The following PECAM1 variants were observed in gnomAD, a reference collection of about 807,000 sequenced individuals.
PECAM1 encodes the protein platelet and endothelial cell adhesion molecule 1, also known as platelet endothelial cell adhesion molecule.
Under a neutral mutation model 13.8 loss-of-function variants are expected in PECAM1, and 8 were observed. That is an observed-to-expected ratio of 0.58 (90% confidence interval 0.34 to 1.05). PECAM1 has a LOEUF of 1.05. Among genes scored for constraint, PECAM1 ranks in the 50% least tolerant of loss-of-function variants. PECAM1 has a pLI of 0.03. For synonymous variants in PECAM1, 136 were observed against 52.6 expected (o/e 2.58, Z -6.86); for missense variants, 304 against 141.2 (o/e 2.15, Z -5.84).
At chr17:64,356,071 G>A in intron 8 of PECAM1, 40 bp downstream of exon 8, 2 of 474,994 alleles carry the variant, frequency 4.2e-6, no homozygotes, top group Non-Finnish European at 7.7e-6. Context: ...CTTGCCCTTG[G>A]GAGCCCACAG....
At position 64,390,737 on chromosome 17, in the gene PECAM1, C is replaced by A; in HGVS notation, c.-72G>T. The A allele has an allele frequency of 2.4e-6, 1 of 411,578 alleles. No individual in the cohort carries two copies. 25.5% of individuals were successfully genotyped at this position (411,578 alleles called of 1,614,324 possible). A position where few individuals can be genotyped will look rare whatever the true frequency, so the allele number is the denominator to read the frequency against. ...TGACTCGCTCAGCAGAAGGCACTGC[C>A]CACAAGTCACCGTTGAGAAACCCGC... On this transcript the variant is annotated 5_prime_UTR_variant, in exon 1 of 16. Coordinates refer to ENST00000563924, the MANE Select transcript of PECAM1 (RefSeq NM_000442.5).
intron 14 of PECAM1, among the ~76,000 whole-genome samples, chr17:64,336,122 C>A (rs2035268787): frequency 6.6e-6 from 1 of 151,880 alleles, no homozygotes; most frequent in Non-Finnish European, 1.5e-5. Context: ...AAAAAATTAC[C>A]CGGGCGTGGT....
At chr17:64,366,201 C>T (rs1200717624) in intron 5 of PECAM1, among the ~76,000 whole-genome samples, 2,339 of 147,164 alleles carry the variant, frequency 0.016, 62 homozygotes, top group African/African-American at 0.053. Flanking sequence ...GACATTTATA[C>T]AGCCAAAAAA....
At chr17:64,361,183 T>A (rs2035969605) in intron 6 of PECAM1, among the ~76,000 whole-genome samples, 1 of 146,596 alleles carries the variant, frequency 6.8e-6, no homozygotes. Context: ...TCTTGCTCTG[T>A]CACCCAGGCT....
At chr17:64,380,309 C>G (rs1022645308) in intron 2 of PECAM1, among the ~76,000 whole-genome samples, 7 of 151,624 alleles carry the variant, frequency 4.6e-5, no homozygotes, top group Non-Finnish European at 1.0e-4. Context: ...GCCTGGGCAA[C>G]AAGAGCGAAA....
chr17:64,349,944 G>A (rs2035677781), intron 12 of PECAM1, among the ~76,000 whole-genome samples: 1 of 152,156 alleles, frequency 6.6e-6, no homozygotes, highest in African/African-American at 2.4e-5. Context: ...CTTTCTCTTT[G>A]TTAGGAGCCT....
intron 2 of PECAM1, among the ~76,000 whole-genome samples, chr17:64,383,151 T>C (rs1244484569): frequency 2.0e-5 from 3 of 152,222 alleles, no homozygotes; most frequent in Non-Finnish European, 4.4e-5. Context: ...ACACGAGTCA[T>C]TCATCTGCTC....
At chr17:64,384,246 A>T (rs1195045455) in intron 2 of PECAM1, among the ~76,000 whole-genome samples, 1 of 152,206 alleles carries the variant, frequency 6.6e-6, no homozygotes, top group Non-Finnish European at 1.5e-5. Context: ...TGGAAAAAAG[A>T]AAAGCATTTT....
At chr17:64,381,829 G>A (rs901351003) in intron 2 of PECAM1, among the ~76,000 whole-genome samples, 4 of 152,152 alleles carry the variant, frequency 2.6e-5, no homozygotes, top group South Asian at 2.1e-4. Flanking sequence ...AGCCGGGCAC[G>A]GTGGTTTATG....
At chr17:64,375,411 C>T (rs1296593557) in intron 3 of PECAM1, 55 bp from the exon 4 acceptor site, 1 of 413,540 alleles carries the variant, frequency 2.4e-6, no homozygotes, top group Non-Finnish European at 4.3e-6. Context: ...GAAAGTCTGT[C>T]AGTATCAGCC....
rs909815178 is a variant in PECAM1 at position 64,331,937 on chromosome 17, C to T, written c.2165-2215G>A. Among the ~76,000 whole-genome samples, 3 of 152,218 alleles carry T rather than the reference C, an allele frequency of 2.0e-5. No individual in the cohort carries two copies. In the East Asian group the frequency reaches 5.8e-4, roughly 29 times the overall value. On this transcript the variant is annotated intron_variant, in intron 14 of 15. Coordinates refer to ENST00000563924, the MANE Select transcript of PECAM1 (RefSeq NM_000442.5). ...CCTCAGTCTTATCGAGAAAAGTACG[C>T]CAAGGGGCCTCAGTATAGACCCAGC...
intron 5 of PECAM1, among the ~76,000 whole-genome samples, chr17:64,368,504 T>A (rs897833065): frequency 6.6e-6 from 1 of 152,050 alleles, no homozygotes; most frequent in African/African-American, 2.4e-5. Flanking sequence ...ATCCATAAAG[T>A]GGACATTCTT....
intron 6 of PECAM1, among the ~76,000 whole-genome samples, chr17:64,360,617 T>TGTGTGTGTGA (rs1751562479): frequency 6.8e-6 from 1 of 147,218 alleles, no homozygotes. Flanking sequence ...TGTGTGTGTG[T>TGTGTGTGTGA]GGTGAGAAGG....
At chr17:64,345,007 G>T (rs986640272) in intron 13 of PECAM1, among the ~76,000 whole-genome samples, 4 of 152,134 alleles carry the variant, frequency 2.6e-5, no homozygotes, top group Non-Finnish European at 5.9e-5. Flanking sequence ...GGAGGGTCTC[G>T]ATACCTCCTT....
chr17:64,327,081 T>C (rs9303469), intron 15 of PECAM1, among the ~76,000 whole-genome samples: 80,896 of 152,096 alleles, frequency 0.53, 21,654 homozygotes, highest in East Asian at 0.69. Flanking sequence ...GGCTAAGAAG[T>C]GGGAAGTCAA....
intron 15 of PECAM1, among the ~76,000 whole-genome samples, chr17:64,325,769 A>T (rs2034938907): frequency 2.6e-5 from 4 of 152,082 alleles, no homozygotes; most frequent in African/African-American, 4.8e-5. Flanking sequence ...AAAAGCAAAA[A>T]AACACCCACA....
At chr17:64,330,325 A>G (rs868979804) in intron 14 of PECAM1, among the ~76,000 whole-genome samples, 2 of 151,752 alleles carry the variant, frequency 1.3e-5, no homozygotes, top group South Asian at 2.1e-4. Context: ...GGCCTCATTT[A>G]ACATTTTAAA....
intron 1 of PECAM1, 24 bp downstream of exon 1, chr17:64,390,578 T>C (rs932087597): frequency 8.4e-6 from 4 of 473,398 alleles, no homozygotes; most frequent in Non-Finnish European, 1.5e-5. Context: ...GTTAAAGTGA[T>C]GTGGAAACAG....
chr17:64,324,403 C>T (rs1451217982), intron 15 of PECAM1, among the ~76,000 whole-genome samples: 1 of 152,188 alleles, frequency 6.6e-6, no homozygotes, highest in East Asian at 1.9e-4. Context: ...CTCTCCATGC[C>T]TGCTCTGTAG....
Sources: allele counts gnomAD v4.1 joint callset (sites outside exome capture counted in the v4.1 genomes callset), GRCh38; gene constraint gnomAD v4.1.1; transcripts MANE v1.5; gene names NCBI Gene and HGNC (gene_info 2026-07-23, HGNC 2026-07-21).